Variants in UBALD1 observed in about 807,000 individuals in gnomAD.
UBALD1 encodes UBA like domain containing 1, also known as UBA-like domain-containing protein 1.
UBALD1 carries 5 observed loss-of-function variants against 16.1 expected under a neutral mutation model. The ratio of observed to expected loss-of-function variants is 0.31; its 90% CI spans 0.16 to 0.66. The LOEUF is 0.66. UBALD1 is among the 30% of genes least tolerant of loss of function. UBALD1 has a pLI of 0.77. For synonymous variants in UBALD1, 146 were observed against 105.3 expected, an observed-to-expected ratio of 1.39 and a Z score of -2.37; for missense variants, 220 against 252.8, an observed-to-expected ratio of 0.87 and a Z score of 0.88.
chr16:4,609,989 AG>A lies in UBALD1; in HGVS notation c.184-7del. On this transcript the variant is annotated splice_region_variant and splice_polypyrimidine_tract_variant and intron_variant, in intron 2 of 2. Coordinates refer to ENST00000283474, the MANE Select transcript of UBALD1 (RefSeq NM_145253.3). ...GTATTGGCGGGGGTGCACATCTGTG[AG>A]GGGAAGAGAGGAGAGATGGGGTGAG... 1 of 1,557,588 alleles carries A rather than the reference AG, an allele frequency of 6.4e-7. No individual in the cohort carries two copies. Among genetic ancestry groups the A allele is most frequent in the Non-Finnish European group, 8.7e-7 (1 of 1,147,076 alleles).
At chr16:4,614,584 G>A (rs1897402376) in intron 1 of UBALD1, 94 bp downstream of exon 1, 2 of 1,278,308 alleles carry the variant, frequency 1.6e-6, no homozygotes, top group South Asian at 2.6e-5. Context: ...GCGCACAGCC[G>A]GCACGCGTCC....
At chr16:4,614,481 C>T in intron 1 of UBALD1, 197 bp downstream of exon 1, 1 of 896,280 alleles carries the variant, frequency 1.1e-6, no homozygotes, top group Non-Finnish European at 1.5e-6. Flanking sequence ...CGACCGGTGG[C>T]CCGGTTCCCA....
rs539888529 is a variant in UBALD1, at chr16:4,609,801, G to A, written c.366C>T (p.Ser122=). 1.6e-5 allele frequency: 24 copies of A among 1,509,282 alleles called. No homozygotes were observed. The highest frequency in any genetic ancestry group is 1.4e-4 in the Admixed American group (6 of 43,790). 93.5% of individuals were successfully genotyped at this position (1,509,282 alleles called of 1,614,324 possible). The change falls in exon 3 of 3, where the codon TCC becomes TCT. Residue 122 remains serine, a synonymous_variant. Coordinates refer to ENST00000283474, the MANE Select transcript of UBALD1 (RefSeq NM_145253.3). The part of the protein sequence containing the change: ...PHAATSSSAA[S]SWPTAASPPG... ...GGGGCGAGGCCGCCGTGGGCCAGCT[G>A]GAGGCCGCAGAGCTGCTGGTGGCGG...
chr16:4,614,245 G>A (rs1897393618), intron 1 of UBALD1: 7 of 343,516 alleles, frequency 2.0e-5, no homozygotes, highest in Admixed American at 4.8e-5. Flanking sequence ...GCACGCCGCC[G>A]ACCGCCCACC....
intron 1 of UBALD1, chr16:4,614,393 T>C (rs957468241): frequency 5.6e-6 from 2 of 359,136 alleles, no homozygotes; most frequent in Non-Finnish European, 9.5e-6. Context: ...CCCTCGGCCG[T>C]TACCCGGACA....
chr16:4,609,222 G>A lies in UBALD1; in HGVS notation c.*411C>T. On this transcript the variant is annotated 3_prime_UTR_variant, in exon 3 of 3. Coordinates refer to ENST00000283474, the MANE Select transcript of UBALD1 (RefSeq NM_145253.3). ...ACACGGCCACGCGCACACATGCGGA[G>A]AGGCTCTGCATTCCCTAGGGTGGGG... 1 of 174,694 alleles carries A rather than the reference G, an allele frequency of 5.7e-6. No individual in the cohort carries two copies. Among genetic ancestry groups the A allele is most frequent in the Admixed American group, 6.3e-5 (1 of 15,828 alleles). 10.8% of individuals were successfully genotyped at this position (174,694 alleles called of 1,614,324 possible).
At chr16:4,610,167 C>G (rs147954741) in intron 2 of UBALD1, 184 bp from the exon 3 acceptor site, 3 of 724,628 alleles carry the variant, frequency 4.1e-6, no homozygotes, top group Non-Finnish European at 7.4e-6. Flanking sequence ...ACCGACCCAG[C>G]CTCACTCTCA....
At chr16:4,610,443 C>A in intron 2 of UBALD1, 50 bp downstream of exon 2, 1 of 1,555,576 alleles carries the variant, frequency 6.4e-7, no homozygotes, top group Admixed American at 1.9e-5. Context: ...ACAGAACTAG[C>A]TCGGCCTCCT....
chr16:4,614,294 C>T, intron 1 of UBALD1: 1 of 358,624 alleles, frequency 2.8e-6, no homozygotes, highest in Non-Finnish European at 5.0e-6. Context: ...CGGAGCGGCT[C>T]CGCCCTCCGG....
At chr16:4,611,333 C>G (rs776331480) in intron 1 of UBALD1, 1 of 152,322 alleles carries the variant, frequency 6.6e-6, no homozygotes, top group Admixed American at 6.5e-5. Flanking sequence ...AGCAGAAAGA[C>G]GGCCCTAGGA....
rs765869741 is a variant in UBALD1, at chr16:4,614,762, G to C, written c.36C>G (p.Val12=). 1.3e-6 allele frequency: 2 copies of C among 1,560,234 alleles called. No individual in the cohort carries two copies. The highest frequency in any genetic ancestry group is 5.2e-5 in the East Asian group (2 of 38,446). The change falls in exon 1 of 3, where the codon GTC becomes GTG. Residue 12 remains valine, a synonymous_variant. Coordinates refer to ENST00000283474, the MANE Select transcript of UBALD1 (RefSeq NM_145253.3). ...CCGTCAGCACGAACTGGTTGATCAT[G>C]ACCTGGTGCTTGAGCTCGTCCATGT... ...SVNMDELKHQ[V]MINQFVLTAG...
Position 4,614,831 on chromosome 16 carries a change from C to G in UBALD1, c.-34G>C, listed in dbSNP as rs967733325. On this transcript the variant is annotated 5_prime_UTR_variant, in exon 1 of 3. Coordinates refer to ENST00000283474, the MANE Select transcript of UBALD1 (RefSeq NM_145253.3). ...CGCGCTGCCCGCTCCGGCCTCCCTC[C>G]TCCGCCCGCGCCTCCGCCTCACGCG... The G allele has an allele frequency of 6.8e-7, 1 of 1,478,878 alleles. No homozygotes were observed. 91.6% of individuals were successfully genotyped at this position (1,478,878 alleles called of 1,614,324 possible).
At position 4,609,791 on chromosome 16, in the gene UBALD1, T is replaced by C; in HGVS notation, c.376A>G (p.Thr126Ala). 1 of 1,498,626 alleles carries C rather than the reference T, an allele frequency of 6.7e-7. No individual in the cohort carries two copies. The highest frequency in any genetic ancestry group is 8.9e-7 in the Non-Finnish European group (1 of 1,127,114). The allele number at this position is 1,498,626 out of a possible 1,614,324, so 92.8% of individuals were successfully genotyped here. Residue 126 changes from threonine (T) to alanine (A), a missense_variant, in exon 3 of 3, where the codon ACG (threonine) becomes GCG (alanine). Physicochemically the swap from Thr to Ala is moderately conservative, Grantham distance 58. Transcript: ENST00000283474. ...TSSSAASSWP[T>A]AASPPGGPQH... ...GGGCCCCCCGGGGGCGAGGCCGCCG[T>C]GGGCCAGCTGGAGGCCGCAGAGCTG...
chr16:4,614,494 T>G, intron 1 of UBALD1, 184 bp downstream of exon 1: 5 of 1,066,920 alleles, frequency 4.7e-6, no homozygotes, highest in Non-Finnish European at 6.3e-6. Flanking sequence ...GGTTCCCACC[T>G]CCGCCCGCCG....
chr16:4,609,176 GAC>G lies in UBALD1; in HGVS notation c.*455_*456del, dbSNP rs1897325188. Reference sequence around the variant, plus strand: ...AGGAACTAGGTTGCTTCTGAAGAGCGACACACGTAGAAATACACAGACACGGC... The same window carrying G: ...AGGAACTAGGTTGCTTCTGAAGAGCGACACGTAGAAATACACAGACACGGC... On this transcript the variant is annotated 3_prime_UTR_variant, in exon 3 of 3. Transcript: ENST00000283474. The G allele has an allele frequency of 6.4e-6, 1 of 156,184 alleles. No homozygotes were observed. Among genetic ancestry groups the G allele is most frequent in the Admixed American group, 6.5e-5 (1 of 15,362 alleles). 9.7% of individuals were successfully genotyped at this position (156,184 alleles called of 1,614,324 possible).
intron 1 of UBALD1, among the ~76,000 whole-genome samples, chr16:4,613,789 AG>A (rs1318319575): frequency 2.0e-5 from 3 of 152,170 alleles, no homozygotes; most frequent in Non-Finnish European, 4.4e-5. Context: ...CCTATGGGTT[AG>A]GAGAGGCCCG....
chr16:4,611,425 G>C (rs1727410868), intron 1 of UBALD1: 1 of 152,496 alleles, frequency 6.6e-6, no homozygotes, highest in African/African-American at 2.4e-5. Context: ...CTAGGCACGG[G>C]ATGCTCCACC....
chr16:4,611,652 G>A (rs1165051668), intron 1 of UBALD1: 1 of 152,886 alleles, frequency 6.5e-6, no homozygotes, highest in Non-Finnish European at 1.5e-5. Flanking sequence ...GGACAGGTGG[G>A]GGAGACAGAG....
Position 4,609,873 on chromosome 16 carries a change from G to A in UBALD1, c.294C>T (p.Ser98=), listed in dbSNP as rs763144551. ...SESFHSGGSG[S]PMAATATSPP... The stretch of plus-strand genomic sequence containing the variant: ...GTGACGTGGCTGTCGCGGCCATCGG[G>A]CTGCCGCTGCCACCGCTGTGGAAGC... Residue 98 remains serine (S), a synonymous_variant, in exon 3 of 3, where the codon AGC becomes AGT. Transcript: ENST00000283474. The A allele has an allele frequency of 6.5e-7, 1 of 1,539,850 alleles. No homozygotes were observed. The highest frequency in any genetic ancestry group is 8.8e-7 in the Non-Finnish European group (1 of 1,142,540).
Sources: allele counts gnomAD v4.1 joint callset (sites outside exome capture counted in the v4.1 genomes callset), GRCh38; gene constraint gnomAD v4.1.1; transcripts MANE v1.5; gene names NCBI Gene and HGNC (gene_info 2026-07-23, HGNC 2026-07-21).